The following SPOCK3 variants were observed in gnomAD, a reference collection of about 807,000 sequenced individuals.
The protein encoded by SPOCK3 is testican-3.
SPOCK3 carries 30 observed loss-of-function variants against 56.6 expected under a neutral mutation model. That is an observed-to-expected ratio of 0.53 (90% CI 0.40 to 0.72). SPOCK3 has a LOEUF of 0.72. SPOCK3 is among the 30% of genes least tolerant of loss of function. The pLI is 0.00. For missense variants in SPOCK3, 527 were observed against 530.0 expected, an observed-to-expected ratio of 0.99 and a Z score of 0.06; for synonymous variants, 196 against 183.3, an observed-to-expected ratio of 1.07 and a Z score of -0.56.
intron 4 of SPOCK3, among the ~76,000 whole-genome samples, chr4:166,934,142 A>G (rs1184945426): frequency 6.6e-6 from 1 of 152,086 alleles, no homozygotes; most frequent in East Asian, 1.9e-4. Context: ...ATGGAGAAAA[A>G]TGAGTTCAAA....
chr4:166,884,717 T>C (rs1244577165), intron 6 of SPOCK3, among the ~76,000 whole-genome samples: 2 of 152,044 alleles, frequency 1.3e-5, no homozygotes, highest in Admixed American at 1.3e-4. Context: ...TATTTTACAG[T>C]TGAAGAAATG....
intron 9 of SPOCK3, among the ~76,000 whole-genome samples, chr4:166,738,609 TCCCTCCC>T (rs1734482385): frequency 9.1e-6 from 1 of 110,276 alleles, no homozygotes; most frequent in South Asian, 3.7e-4. Flanking sequence ...CCTAATGCTA[TCCCTCCC>T]CCCTCCCCCC....
rs186499465 is a variant in SPOCK3, at chr4:166,944,979, T to C, written c.351-32236A>G. On this transcript the variant is annotated intron_variant, in intron 4 of 10. Coordinates refer to ENST00000357545, the MANE Select transcript of SPOCK3 (RefSeq NM_001040159.2). ...TTATAATTTGATACCATCATTATTA[T>C]GGTGCTTGAATTCTTCCACATGTCT... Among the ~76,000 whole-genome samples, 6 of 152,358 alleles carry C rather than the reference T, an allele frequency of 3.9e-5. No homozygotes were observed. In the East Asian group the frequency reaches 1.2e-3, roughly 29 times the overall value.
intron 2 of SPOCK3, among the ~76,000 whole-genome samples, chr4:167,194,412 A>G (rs1455827521): frequency 2.0e-5 from 3 of 152,196 alleles, no homozygotes; most frequent in Non-Finnish European, 4.4e-5. Flanking sequence ...GGCAGCTTAT[A>G]GATCTCCATT....
chr4:166,744,126 T>G (rs562013488), intron 8 of SPOCK3, among the ~76,000 whole-genome samples: 1 of 152,216 alleles, frequency 6.6e-6, no homozygotes, highest in South Asian at 2.1e-4. Context: ...ACCCCGGAGT[T>G]TGAGATCTGA....
intron 3 of SPOCK3, among the ~76,000 whole-genome samples, chr4:167,038,663 C>CAAAAAA (rs558863795): frequency 3.7e-5 from 4 of 107,988 alleles, no homozygotes; most frequent in Non-Finnish European, 5.7e-5. Context: ...TTATTTTTTC[C>CAAAAAA]AAAAAAAAAA....
At chr4:166,901,460 T>C (rs1037771729) in intron 5 of SPOCK3, among the ~76,000 whole-genome samples, 3 of 152,144 alleles carry the variant, frequency 2.0e-5, no homozygotes, top group Non-Finnish European at 4.4e-5. Flanking sequence ...ACAGGAGGTA[T>C]GCAATTAGAA....
Position 166,977,607 on chromosome 4 carries a change from A to T in SPOCK3, c.350+22742T>A, listed in dbSNP as rs74862051. ...TAATGTGTAATATGGATTGATAACA[A>T]ATACTTGTGTTTTCATTTGCAGAAT... On this transcript the variant is annotated intron_variant, in intron 4 of 10. Coordinates refer to ENST00000357545, the MANE Select transcript of SPOCK3 (RefSeq NM_001040159.2). Among the ~76,000 whole-genome samples, 172 of 152,204 alleles carry T rather than the reference A, an allele frequency of 1.1e-3. 4 individuals are homozygous for T. The East Asian group carries it at 0.032, about 28-fold the overall frequency.
chr4:167,075,618 T>TA (rs1757115202), intron 2 of SPOCK3, among the ~76,000 whole-genome samples: 1 of 151,986 alleles, frequency 6.6e-6, no homozygotes, highest in Non-Finnish European at 1.5e-5. Context: ...TAAAGGGAGA[T>TA]AAAAACAATA....
At chr4:166,763,437 T>C (rs572900044) in intron 7 of SPOCK3, among the ~76,000 whole-genome samples, 3 of 152,182 alleles carry the variant, frequency 2.0e-5, no homozygotes, top group African/African-American at 7.2e-5. Context: ...TGACAGAGAA[T>C]GTAATAATAC....
At chr4:166,904,960 C>T (rs1272409200) in intron 5 of SPOCK3, among the ~76,000 whole-genome samples, 8 of 151,972 alleles carry the variant, frequency 5.3e-5, no homozygotes, top group African/African-American at 1.9e-4. Flanking sequence ...TTGCACAGTA[C>T]AGTGCTGTGG....
intron 4 of SPOCK3, among the ~76,000 whole-genome samples, chr4:166,963,439 G>A (rs982896081): frequency 1.3e-5 from 2 of 151,846 alleles, no homozygotes; most frequent in South Asian, 4.1e-4. Context: ...CTGTCAGTTA[G>A]AATTTTGTTC....
intron 6 of SPOCK3, among the ~76,000 whole-genome samples, chr4:166,801,853 G>A (rs920380900): frequency 4.0e-5 from 6 of 151,880 alleles, no homozygotes; most frequent in African/African-American, 1.5e-4. Context: ...ATTAATCTAG[G>A]ACAATCTCAC....
Position 167,194,408 on chromosome 4 carries a change from T to A in SPOCK3, c.189+39577A>T, listed in dbSNP as rs116625698. ...GATGAATTTCTTTAAATCAGGCAGC[T>A]TATAGATCTCCATTTCTTTCAGGCA... is the stretch of plus-strand genomic sequence containing the variant. On this transcript the variant is annotated intron_variant, in intron 2 of 10. Coordinates refer to ENST00000357545, the MANE Select transcript of SPOCK3 (RefSeq NM_001040159.2). Among the ~76,000 whole-genome samples, 157 of 152,262 alleles carry A rather than the reference T, an allele frequency of 1.0e-3. 1 individual carries two copies. Among genetic ancestry groups the A allele is most frequent in the African/African-American group, 3.6e-3 (149 of 41,546 alleles).
chr4:167,038,329 G>A (rs374111315), intron 3 of SPOCK3, among the ~76,000 whole-genome samples: 1 of 152,278 alleles, frequency 6.6e-6, no homozygotes, highest in East Asian at 1.9e-4. Context: ...AGAAATTTAT[G>A]TTTACGGCTC....
chr4:167,094,857 G>GA (rs1239934715), intron 2 of SPOCK3, among the ~76,000 whole-genome samples: 1 of 152,048 alleles, frequency 6.6e-6, no homozygotes, highest in Admixed American at 6.6e-5. Flanking sequence ...GACACAGAGA[G>GA]AAAGAGATTA....
intron 4 of SPOCK3, among the ~76,000 whole-genome samples, chr4:166,931,073 C>A (rs1490322900): frequency 1.3e-5 from 2 of 152,114 alleles, no homozygotes; most frequent in South Asian, 2.1e-4. Flanking sequence ...CCTCCACTTA[C>A]CAGGTTCAAG....
chr4:166,833,645 T>G (rs72984099), intron 6 of SPOCK3, among the ~76,000 whole-genome samples: 3 of 152,336 alleles, frequency 2.0e-5, no homozygotes, highest in African/African-American at 7.2e-5. Context: ...GCCCCACATA[T>G]TCCCCATTCT....
At chr4:166,947,606 C>T (rs561159659) in intron 4 of SPOCK3, among the ~76,000 whole-genome samples, 5 of 152,064 alleles carry the variant, frequency 3.3e-5, no homozygotes, top group South Asian at 2.1e-4. Context: ...AAAAGAAAAA[C>T]GTAACAGTTT....
Sources: gnomAD v4.1 joint callset for allele counts (sites outside exome capture counted in the v4.1 genomes callset) on GRCh38, gnomAD v4.1.1 for gene constraint, MANE v1.5 for transcripts, NCBI Gene and HGNC (gene_info 2026-07-23, HGNC 2026-07-21) for gene names.